Variants in ZNF81 observed in about 807,000 individuals in gnomAD.
ZNF81 encodes the protein zinc finger protein 81.
A neutral mutation model predicts 32.3 loss-of-function variants in ZNF81; 5 were observed. That is an observed-to-expected ratio of 0.15 (90% CI 0.08 to 0.33). ZNF81 has a LOEUF of 0.33. Ranked by LOEUF, ZNF81 falls within the 10% of genes least tolerant of loss-of-function variation. The pLI is 1.00. For synonymous variants in ZNF81, 163 were observed against 166.8 expected, an observed-to-expected ratio of 0.98 and a Z score of 0.17; for missense variants, 379 against 479.8, an observed-to-expected ratio of 0.79 and a Z score of 1.96.
chrX:47,896,648 T>G (rs1453275714), intron 4 of ZNF81, among the ~76,000 whole-genome samples: 3 of 111,950 alleles, frequency 2.7e-5, no homozygotes, highest in Non-Finnish European at 5.6e-5. Flanking sequence ...TTGATGAGTT[T>G]TGATAAAGAT....
intron 2 of ZNF81, among the ~76,000 whole-genome samples, chrX:47,853,546 TTTG>T (rs1263495602): frequency 1.8e-5 from 2 of 110,616 alleles, no homozygotes; most frequent in Non-Finnish European, 3.8e-5. Flanking sequence ...CTTCACCTTT[TTTG>T]TTGTTGTTTG....
Position 47,917,390 on chromosome X carries a change from T to C in ZNF81, c.*758T>C. 1 of 295,677 alleles carries C rather than the reference T, an allele frequency of 3.4e-6. No individual in the cohort carries two copies. Among genetic ancestry groups the C allele is most frequent in the East Asian group, 4.8e-5 (1 of 20,978 alleles). 24.4% of individuals were successfully genotyped at this position (295,677 alleles called of 1,213,427 possible). Reference sequence around the variant, plus strand: ...GCAAAGTAGCCACAGATTCCTCCCATCCCAAGTAGCGTCTCTTTGTCTACT... The same window carrying C: ...GCAAAGTAGCCACAGATTCCTCCCACCCCAAGTAGCGTCTCTTTGTCTACT... On this transcript the variant is annotated 3_prime_UTR_variant, in exon 5 of 5. Transcript: ENST00000338637.
intron 2 of ZNF81, among the ~76,000 whole-genome samples, chrX:47,854,049 A>T (rs2058506237): frequency 8.9e-6 from 1 of 112,789 alleles, no homozygotes; most frequent in Non-Finnish European, 1.9e-5. Flanking sequence ...ATCTTCATCA[A>T]TGATTTTAGC....
At chrX:47,904,541 A>G (rs2058712833) in intron 4 of ZNF81, among the ~76,000 whole-genome samples, 8 of 109,604 alleles carry the variant, frequency 7.3e-5, no homozygotes, top group South Asian at 4.0e-4. Context: ...TAGAATGGCA[A>G]TCATTAAAAA....
chrX:47,838,222 T>C (rs2058432893), intron 1 of ZNF81, among the ~76,000 whole-genome samples: 1 of 111,907 alleles, frequency 8.9e-6, no homozygotes, highest in Non-Finnish European at 1.9e-5. Flanking sequence ...TTTGGCAGAT[T>C]CCTTGGATTT....
At chrX:47,875,818 G>T (rs782142821) in intron 2 of ZNF81, among the ~76,000 whole-genome samples, 4 of 112,357 alleles carry the variant, frequency 3.6e-5, no homozygotes, top group Non-Finnish European at 5.6e-5. Context: ...ATCTGCTAAT[G>T]AGATTGCAAA....
At chrX:47,872,130 A>G (rs2058582929) in intron 2 of ZNF81, among the ~76,000 whole-genome samples, 1 of 111,941 alleles carries the variant, frequency 8.9e-6, no homozygotes, top group Non-Finnish European at 1.9e-5. Context: ...CCCCTGCTCT[A>G]TAGTCCCCTA....
At chrX:47,847,995 A>C (rs1306239225) in intron 2 of ZNF81, among the ~76,000 whole-genome samples, 1 of 109,212 alleles carries the variant, frequency 9.2e-6, no homozygotes, top group East Asian at 2.9e-4. Flanking sequence ...GCTCACTGCA[A>C]GCTCCACCTC....
chrX:47,844,583 A>G (rs2058463260), intron 1 of ZNF81, among the ~76,000 whole-genome samples: 1 of 112,469 alleles, frequency 8.9e-6, no homozygotes, highest in African/African-American at 3.2e-5. Context: ...TTGACATCAA[A>G]CATTTGGATT....
rs1262390308 is a variant in ZNF81, at chrX:47,915,498, C to T, written c.852C>T (p.Thr284=). ...NTCTEFGKIF[T]QRSHFFAPQK... Reference sequence around the variant, plus strand: ...GTACTGAATTTGGGAAGATCTTCACCCAGAGGTCACATTTCTTTGCTCCTC... The same window carrying T: ...GTACTGAATTTGGGAAGATCTTCACTCAGAGGTCACATTTCTTTGCTCCTC... The change falls in exon 5 of 5, where the codon ACC becomes ACT. Residue 284 remains threonine, a synonymous_variant. Transcript: ENST00000338637. The T allele has an allele frequency of 8.3e-7, 1 of 1,209,535 alleles. No individual in the cohort carries two copies. Among genetic ancestry groups the T allele is most frequent in the Non-Finnish European group, 1.1e-6 (1 of 895,113 alleles).
At chrX:47,886,041 G>C (rs2058640408) in intron 2 of ZNF81, among the ~76,000 whole-genome samples, 1 of 112,266 alleles carries the variant, frequency 8.9e-6, no homozygotes, top group African/African-American at 3.2e-5. Flanking sequence ...TTTTAAAATA[G>C]TTTATATTTC....
At position 47,910,394 on chromosome X, in the gene ZNF81, A is replaced by C. The variant is rs182739603; in HGVS notation, c.278-4530A>C. Among the ~76,000 whole-genome samples, 622 of 112,020 alleles carry C rather than the reference A, an allele frequency of 5.6e-3. 4 individuals are homozygous for C. Among genetic ancestry groups the C allele is most frequent in the African/African-American group, 0.019 (588 of 30,829 alleles). Reference sequence around the variant, plus strand: ...GAACTCAAACAAATTTACAAGAAAAAAACAAACAACCCCATCAAAAAGTGG... The same window carrying C: ...GAACTCAAACAAATTTACAAGAAAACAACAAACAACCCCATCAAAAAGTGG... On this transcript the variant is annotated intron_variant, in intron 4 of 4. Coordinates refer to ENST00000338637, the MANE Select transcript of ZNF81 (RefSeq NM_007137.5).
intron 4 of ZNF81, among the ~76,000 whole-genome samples, chrX:47,901,362 A>G (rs1556887953): frequency 9.0e-6 from 1 of 111,662 alleles, no homozygotes; most frequent in Non-Finnish European, 1.9e-5. Flanking sequence ...TTTGGTCTAT[A>G]TGCTGTTTAT....
At chrX:47,873,794 G>A (rs1423242923) in intron 2 of ZNF81, among the ~76,000 whole-genome samples, 1 of 111,118 alleles carries the variant, frequency 9.0e-6, no homozygotes, top group Non-Finnish European at 1.9e-5. Context: ...AGCCTCCCGA[G>A]TAGCTGGGAC....
chrX:47,900,590 T>C, intron 4 of ZNF81, among the ~76,000 whole-genome samples: 1 of 112,190 alleles, frequency 8.9e-6, no homozygotes, highest in Non-Finnish European at 1.9e-5. Flanking sequence ...ATTTTTCTGC[T>C]CCATCATATT....
chrX:47,877,082 A>G (rs2058602714), intron 2 of ZNF81, among the ~76,000 whole-genome samples: 1 of 112,485 alleles, frequency 8.9e-6, no homozygotes, highest in African/African-American at 3.2e-5. Flanking sequence ...ACACTCAGCC[A>G]TGGAAGCCCC....
chrX:47,878,393 A>C (rs1471461697), intron 2 of ZNF81, among the ~76,000 whole-genome samples: 1 of 112,031 alleles, frequency 8.9e-6, no homozygotes, highest in East Asian at 2.8e-4. Flanking sequence ...CTTCCCATTT[A>C]CTTTCAGTTT....
intron 2 of ZNF81, among the ~76,000 whole-genome samples, chrX:47,872,702 C>T (rs73632362): frequency 0.015 from 1,637 of 111,537 alleles, 34 homozygotes; most frequent in African/African-American, 0.051. Context: ...AGTGGTTGTC[C>T]GTCTTCATCA....
At chrX:47,905,568 A>C (rs1438374307) in intron 4 of ZNF81, among the ~76,000 whole-genome samples, 1 of 110,731 alleles carries the variant, frequency 9.0e-6, no homozygotes, top group Non-Finnish European at 1.9e-5. Flanking sequence ...ATTTTTCACC[A>C]TGGCCACTGC....
Sources: gnomAD v4.1 joint callset for allele counts (sites outside exome capture counted in the v4.1 genomes callset) on GRCh38, gnomAD v4.1.1 for gene constraint, MANE v1.5 for transcripts, NCBI Gene and HGNC (gene_info 2026-07-23, HGNC 2026-07-21) for gene names.